The following NPAS3 variants were observed in gnomAD, a reference collection of about 807,000 sequenced individuals.
NPAS3 encodes neuronal PAS domain protein 3.
A neutral mutation model predicts 73.1 loss-of-function variants in NPAS3; 14 were observed. The ratio of observed to expected loss-of-function variants is 0.19; its 90% CI spans 0.13 to 0.30. The LOEUF (loss-of-function observed/expected upper bound fraction) is 0.30, where lower values mean the gene tolerates loss of function less well. NPAS3 is among the 10% of genes least tolerant of loss of function. NPAS3 has a pLI of 1.00. For missense variants in NPAS3, 1,096 were observed against 1,250.0 expected (o/e 0.88, Z 1.86); for synonymous variants, 620 against 541.5 (o/e 1.14, Z -2.01).
At chr14:33,032,043 G>A (rs776245925) in intron 1 of NPAS3, among the ~76,000 whole-genome samples, 6 of 152,272 alleles carry the variant, frequency 3.9e-5, no homozygotes, top group Non-Finnish European at 5.9e-5. Context: ...GATGACTGTC[G>A]GCACCCTTTG....
intron 4 of NPAS3, among the ~76,000 whole-genome samples, chr14:33,433,751 C>T (rs755445863): frequency 2.6e-5 from 4 of 152,134 alleles, no homozygotes; most frequent in Non-Finnish European, 5.9e-5. Flanking sequence ...TGGAGTTAAG[C>T]CCTAACTCTA....
intron 3 of NPAS3, among the ~76,000 whole-genome samples, chr14:33,275,118 A>G (rs2041270087): frequency 6.6e-6 from 1 of 152,192 alleles, no homozygotes; most frequent in Admixed American, 6.5e-5. Flanking sequence ...GAATCCAGAT[A>G]ATAAAGTATA....
chr14:33,537,810 G>A (rs1203705004), intron 4 of NPAS3, among the ~76,000 whole-genome samples: 1 of 152,188 alleles, frequency 6.6e-6, no homozygotes, highest in Non-Finnish European at 1.5e-5. Context: ...GCCAAGGAGA[G>A]TGCTCTTTTG....
Position 33,531,335 on chromosome 14 carries a change from C to T in NPAS3, c.469-28786C>T, listed in dbSNP as rs143714562. Among the ~76,000 whole-genome samples the T allele has an allele frequency of 2.4e-3, 372 of 152,194 alleles. 1 individual carries two copies. The highest frequency in any genetic ancestry group is 8.4e-3 in the African/African-American group (349 of 41,540). ...AGAAAAGTGCCATAATTCCAAAGAC[C>T]TCCTTTGTGCCGTCACTTTGTATCA... On this transcript the variant is annotated intron_variant, in intron 4 of 11. Coordinates refer to ENST00000356141, the Ensembl canonical transcript of NPAS3.
chr14:33,122,876 A>G (rs759103087), intron 2 of NPAS3, among the ~76,000 whole-genome samples: 1 of 152,130 alleles, frequency 6.6e-6, no homozygotes, highest in South Asian at 2.1e-4. Flanking sequence ...TAAGAGATCA[A>G]CTACAGATTT....
chr14:33,393,540 T>C (rs550210051), intron 4 of NPAS3, among the ~76,000 whole-genome samples: 6 of 152,308 alleles, frequency 3.9e-5, no homozygotes, highest in African/African-American at 1.4e-4. Context: ...CATATACTCT[T>C]CCTTCACTGT....
At chr14:33,602,753 T>G (rs911864646) in intron 5 of NPAS3, among the ~76,000 whole-genome samples, 1 of 152,204 alleles carries the variant, frequency 6.6e-6, no homozygotes, top group Non-Finnish European at 1.5e-5. Context: ...ATATTCAGAC[T>G]TATCCTGACA....
At chr14:33,138,833 T>A (rs367735291) in intron 2 of NPAS3, among the ~76,000 whole-genome samples, 2 of 152,218 alleles carry the variant, frequency 1.3e-5, no homozygotes, top group East Asian at 1.9e-4. Flanking sequence ...TGACATGCAA[T>A]GGAACCTGAC....
intron 1 of NPAS3, among the ~76,000 whole-genome samples, chr14:32,991,137 A>C (rs372706231): frequency 1.5e-5 from 2 of 129,646 alleles, no homozygotes; most frequent in Middle Eastern, 3.7e-3. Flanking sequence ...TGCCTGATTA[A>C]TTTTTTAATT....
intron 2 of NPAS3, among the ~76,000 whole-genome samples, chr14:33,062,884 G>T (rs2041157424): frequency 6.6e-6 from 1 of 152,190 alleles, no homozygotes. Context: ...TCTGTGTATT[G>T]AGTTTACAAA....
At chr14:33,096,892 C>T (rs1023076657) in intron 2 of NPAS3, among the ~76,000 whole-genome samples, 1 of 152,144 alleles carries the variant, frequency 6.6e-6, no homozygotes, top group African/African-American at 2.4e-5. Context: ...TTAAATGTCA[C>T]TTTAGTCATC....
intron 3 of NPAS3, among the ~76,000 whole-genome samples, chr14:33,291,824 G>A (rs968310572): frequency 2.0e-5 from 3 of 152,184 alleles, no homozygotes; most frequent in Admixed American, 6.5e-5. Context: ...AAGGTATTAC[G>A]GAATAACGGT....
At chr14:33,117,103 G>C (rs557989139) in intron 2 of NPAS3, among the ~76,000 whole-genome samples, 93 of 151,898 alleles carry the variant, frequency 6.1e-4, no homozygotes, top group Middle Eastern at 3.4e-3. Context: ...CGTATTTATG[G>C]GGGTACAATG....
At chr14:33,088,506 T>A (rs2042111771) in intron 2 of NPAS3, among the ~76,000 whole-genome samples, 1 of 152,166 alleles carries the variant, frequency 6.6e-6, no homozygotes, top group Non-Finnish European at 1.5e-5. Context: ...TGCCCGCCAT[T>A]GCTGAGGCTT....
At chr14:33,236,359 C>G (rs2048034091) in intron 3 of NPAS3, among the ~76,000 whole-genome samples, 1 of 152,084 alleles carries the variant, frequency 6.6e-6, no homozygotes, top group Non-Finnish European at 1.5e-5. Context: ...AGCAGTTTCT[C>G]TCCTTTCTTT....
chr14:33,227,700 A>AT (rs2047686815), intron 3 of NPAS3, among the ~76,000 whole-genome samples: 1 of 152,172 alleles, frequency 6.6e-6, no homozygotes, highest in Non-Finnish European at 1.5e-5. Flanking sequence ...TCCAAGTACC[A>AT]TCACAATGGG....
intron 9 of NPAS3, among the ~76,000 whole-genome samples, chr14:33,787,099 A>C (rs1437721396): frequency 1.3e-5 from 2 of 152,086 alleles, no homozygotes; most frequent in Non-Finnish European, 1.5e-5. Context: ...ATCCTTAACT[A>C]TTTTGGGTTG....
chr14:32,941,936 A>G (rs1201671912), intron 1 of NPAS3, among the ~76,000 whole-genome samples: 1 of 152,222 alleles, frequency 6.6e-6, no homozygotes, highest in Non-Finnish European at 1.5e-5. Flanking sequence ...TAAACATTAC[A>G]CATGTAAGTT....
chr14:33,446,170 T>C (rs1334407216), intron 4 of NPAS3, among the ~76,000 whole-genome samples: 4 of 103,292 alleles, frequency 3.9e-5, no homozygotes, highest in Non-Finnish European at 5.9e-5. Context: ...TGCTTTCTTT[T>C]TTTTTTTTTT....
Sources: allele counts gnomAD v4.1 joint callset (sites outside exome capture counted in the v4.1 genomes callset), GRCh38; gene constraint gnomAD v4.1.1; transcripts MANE v1.5; gene names NCBI Gene and HGNC (gene_info 2026-07-23, HGNC 2026-07-21).